RBFOX1: variants seen among roughly 807,000 people sequenced by gnomAD.
RBFOX1 encodes RNA binding fox-1 homolog 1.
In RBFOX1, 8 loss-of-function variants were observed where a neutral mutation model predicts 57.7. That is an observed-to-expected ratio of 0.14 (90% CI 0.08 to 0.25). The LOEUF is 0.25. Among genes scored for constraint, RBFOX1 ranks in the 10% least tolerant of loss-of-function variants. RBFOX1 has a pLI of 1.00. For synonymous variants in RBFOX1, 326 were observed against 222.4 expected, an observed-to-expected ratio of 1.47 and a Z score of -4.15; for missense variants, 611 against 548.5, an observed-to-expected ratio of 1.11 and a Z score of -1.14.
intron 3 of RBFOX1, among the ~76,000 whole-genome samples, chr16:5,699,029 C>T (rs2050940502): frequency 6.9e-6 from 1 of 145,748 alleles, no homozygotes; most frequent in Non-Finnish European, 1.5e-5. Context: ...GCTCTGTTGC[C>T]CGGGCTGGAA....
At chr16:7,510,883 T>C (rs1332265279) in intron 4 of RBFOX1, among the ~76,000 whole-genome samples, 4 of 152,174 alleles carry the variant, frequency 2.6e-5, no homozygotes, top group Non-Finnish European at 4.4e-5. Context: ...AGCTGGCTTA[T>C]TAGGTTTTGA....
intron 3 of RBFOX1, among the ~76,000 whole-genome samples, chr16:5,620,557 G>C (rs1440890352): frequency 6.6e-6 from 1 of 152,150 alleles, no homozygotes; most frequent in African/African-American, 2.4e-5. Context: ...TCCTTGGCTT[G>C]CAGATGGTCA....
intron 3 of RBFOX1, among the ~76,000 whole-genome samples, chr16:6,886,153 C>T (rs954527077): frequency 5.3e-5 from 8 of 151,738 alleles, no homozygotes; most frequent in African/African-American, 1.9e-4. Flanking sequence ...CCTCCGCCCC[C>T]AGGGTTCAAG....
chr16:6,839,830 A>G (rs928150587), intron 3 of RBFOX1, among the ~76,000 whole-genome samples: 1 of 152,230 alleles, frequency 6.6e-6, no homozygotes, highest in Admixed American at 6.5e-5. Flanking sequence ...ACTCATAGCT[A>G]TAATCATACC....
intron 15 of RBFOX1, chr16:7,710,403 G>C: frequency 1.4e-6 from 2 of 1,389,146 alleles, no homozygotes; most frequent in Non-Finnish European, 1.8e-6. Context: ...AGGACTGGCT[G>C]ACAGAATTTG....
chr16:6,978,709 T>A (rs2087796983), intron 3 of RBFOX1, among the ~76,000 whole-genome samples: 1 of 152,232 alleles, frequency 6.6e-6, no homozygotes, highest in Admixed American at 6.5e-5. Context: ...GTAATCAGGA[T>A]GTGATAAATC....
chr16:6,438,795 G>A (rs771937998), intron 2 of RBFOX1, among the ~76,000 whole-genome samples: 2 of 151,528 alleles, frequency 1.3e-5, no homozygotes, highest in Non-Finnish European at 2.9e-5. Flanking sequence ...AATGCTACTA[G>A]GACATTATGC....
intron 4 of RBFOX1, among the ~76,000 whole-genome samples, chr16:7,341,451 C>T (rs764144251): frequency 7.2e-5 from 11 of 152,118 alleles, no homozygotes; most frequent in Non-Finnish European, 1.6e-4. Flanking sequence ...TCCCAGTCTC[C>T]GTCCTCAGAG....
chr16:6,095,804 C>T (rs543198443), intron 1 of RBFOX1, among the ~76,000 whole-genome samples: 36 of 152,138 alleles, frequency 2.4e-4, no homozygotes, highest in African/African-American at 7.5e-4. Flanking sequence ...AGTCTGGGAT[C>T]GTTACCAACA....
chr16:6,366,568 AT>A (rs2089658034), intron 2 of RBFOX1, among the ~76,000 whole-genome samples: 1 of 152,196 alleles, frequency 6.6e-6, no homozygotes, highest in Non-Finnish European at 1.5e-5. Context: ...GGGGGTGAGG[AT>A]GGCTAAGACC....
intron 2 of RBFOX1, among the ~76,000 whole-genome samples, chr16:5,592,542 C>A (rs182844135): frequency 6.6e-6 from 1 of 152,046 alleles, no homozygotes; most frequent in East Asian, 1.9e-4. Context: ...TCAGCCTCCC[C>A]GGTAGCTGGG....
chr16:6,895,384 T>C (rs142914779), intron 3 of RBFOX1, among the ~76,000 whole-genome samples: 17 of 148,270 alleles, frequency 1.1e-4, no homozygotes, highest in African/African-American at 3.2e-4. Flanking sequence ...GTTTACCCTC[T>C]TCGTCTGCCT....
chr16:7,102,058 C>G (rs1393556281), intron 4 of RBFOX1, among the ~76,000 whole-genome samples: 1 of 152,130 alleles, frequency 6.6e-6, no homozygotes, highest in Non-Finnish European at 1.5e-5. Flanking sequence ...TGGGCTGGCC[C>G]CACCCAGAGG....
chr16:6,613,270 T>C (rs375667818), intron 2 of RBFOX1, among the ~76,000 whole-genome samples: 2 of 151,986 alleles, frequency 1.3e-5, no homozygotes, highest in East Asian at 1.9e-4. Context: ...TGCTAAAGGA[T>C]TTTCAGGTTG....
chr16:7,020,146 G>A (rs1006293978), intron 3 of RBFOX1, among the ~76,000 whole-genome samples: 6 of 151,942 alleles, frequency 3.9e-5, no homozygotes, highest in African/African-American at 4.8e-5. Flanking sequence ...CGGCGTACCC[G>A]GGGACTCTTT....
chr16:5,325,419 C>G (rs929918527), intron 1 of RBFOX1, among the ~76,000 whole-genome samples: 1 of 152,054 alleles, frequency 6.6e-6, no homozygotes, highest in African/African-American at 2.4e-5. Context: ...AAATTTTCTA[C>G]CACATTTGTT....
rs534824343 is a variant in RBFOX1, at chr16:7,518,738, G to A, written c.270+349G>A. 2.6e-5 allele frequency among the ~76,000 whole-genome samples: 4 copies of A among 152,110 alleles called. No individual in the cohort carries two copies. In the South Asian group the frequency reaches 8.3e-4, roughly 32 times the overall value. On this transcript the variant is annotated intron_variant, in intron 5 of 15. Transcript: ENST00000550418. ...AAGATAATTTTTCTTCAAGTCTTACGGAGGCTGGGTGTGGTGGCTCATGCC... is the reference window on the plus strand; with the variant it reads ...AAGATAATTTTTCTTCAAGTCTTACAGAGGCTGGGTGTGGTGGCTCATGCC...
intron 4 of RBFOX1, among the ~76,000 whole-genome samples, chr16:7,273,865 A>G (rs2095388948): frequency 6.6e-6 from 1 of 152,068 alleles, no homozygotes; most frequent in South Asian, 2.1e-4. Context: ...GCATAATTTC[A>G]TTATCTGCCA....
At chr16:6,179,992 T>C (rs1055100255) in intron 1 of RBFOX1, among the ~76,000 whole-genome samples, 3 of 152,240 alleles carry the variant, frequency 2.0e-5, no homozygotes, top group Middle Eastern at 3.2e-3. Flanking sequence ...TCATATGGTG[T>C]ATGTCAGGGT....
Sources: allele counts gnomAD v4.1 joint callset (sites outside exome capture counted in the v4.1 genomes callset), GRCh38; gene constraint gnomAD v4.1.1; transcripts MANE v1.5; gene names NCBI Gene and HGNC (gene_info 2026-07-23, HGNC 2026-07-21).